GRIP1: variants seen among roughly 807,000 people sequenced by gnomAD.
The protein encoded by GRIP1 is glutamate receptor interacting protein 1.
GRIP1 carries 45 observed loss-of-function variants against 129.9 expected under a neutral mutation model. The observed-to-expected ratio is 0.35, with a 90% confidence interval of 0.27 to 0.44. The LOEUF (loss-of-function observed/expected upper bound fraction) is 0.44, where lower values mean the gene tolerates loss of function less well. Ranked by LOEUF, GRIP1 falls within the 20% of genes least tolerant of loss-of-function variation. GRIP1 has a pLI of 1.00. For missense variants in GRIP1, 1,196 were observed against 1,396.8 expected (o/e 0.86, Z 2.29); for synonymous variants, 530 against 520.8 (o/e 1.02, Z -0.24).
At chr12:66,369,352 T>TTC in intron 23 of GRIP1, among the ~76,000 whole-genome samples, 2 of 107,984 alleles carry the variant, frequency 1.9e-5, no homozygotes, top group South Asian at 2.9e-4. Flanking sequence ...TTTTTTTTTT[T>TTC]TTTTTTTTTT....
rs541739035 is a variant in GRIP1 at position 66,991,069 on chromosome 12, G to A, written c.58+77981C>T. 2.8e-4 allele frequency among the ~76,000 whole-genome samples: 43 copies of A among 151,510 alleles called. No homozygotes were observed. The South Asian group carries it at 3.5e-3, about 12-fold the overall frequency. The stretch of plus-strand genomic sequence containing the variant: ...CAGGCGGATCACGAGGTCAGGAGAC[G>A]AGACCATCCTGGCTAACAGGGTGAA... On this transcript the variant is annotated intron_variant, in intron 1 of 1. Transcript: ENST00000643019.
At chr12:66,654,444 T>G (rs116992524) in intron 1 of GRIP1, among the ~76,000 whole-genome samples, 10 of 152,276 alleles carry the variant, frequency 6.6e-5, no homozygotes, top group Non-Finnish European at 1.3e-4. Context: ...TGAAACACCA[T>G]ACGCAAAATC....
chr12:66,512,875 A>C (rs1592459842), intron 7 of GRIP1, among the ~76,000 whole-genome samples: 1 of 152,136 alleles, frequency 6.6e-6, no homozygotes, highest in South Asian at 2.1e-4. Flanking sequence ...TCTGGAAGAC[A>C]ATTGGAATTA....
Position 66,348,897 on chromosome 12 carries a change from C to A in GRIP1, c.*122G>T. On this transcript the variant is annotated 3_prime_UTR_variant, in exon 25 of 25. Transcript: ENST00000359742. ...GAGCCATGAGAGAGATTTAAAAGAC[C>A]CCTGTGCTTGCAGTTAATGCCACGT... 1 of 794,264 alleles carries A rather than the reference C, an allele frequency of 1.3e-6. No homozygotes were observed. Among genetic ancestry groups the A allele is most frequent in the Non-Finnish European group, 2.3e-6 (1 of 437,482 alleles). 49.2% of individuals were successfully genotyped at this position (794,264 alleles called of 1,614,324 possible).
chr12:66,907,572 T>C (rs1473098634), intron 1 of GRIP1, among the ~76,000 whole-genome samples: 2 of 151,110 alleles, frequency 1.3e-5, no homozygotes, highest in African/African-American at 4.9e-5. Context: ...CAGGGGTTAG[T>C]GTCAGGTAAA....
At chr12:66,999,861 C>T (rs904318746) in intron 1 of GRIP1, among the ~76,000 whole-genome samples, 6 of 152,164 alleles carry the variant, frequency 3.9e-5, no homozygotes, top group South Asian at 2.1e-4. Context: ...ACACCTGCTA[C>T]ACTGAACACT....
intron 1 of GRIP1, among the ~76,000 whole-genome samples, chr12:66,646,938 A>G (rs578048241): frequency 6.6e-6 from 1 of 152,320 alleles, no homozygotes; most frequent in East Asian, 1.9e-4. Context: ...CCTTACATCA[A>G]TCACTTACTC....
chr12:66,717,793 T>C (rs2035939680), intron 1 of GRIP1, among the ~76,000 whole-genome samples: 1 of 152,136 alleles, frequency 6.6e-6, no homozygotes, highest in African/African-American at 2.4e-5. Flanking sequence ...AAATTAGTGA[T>C]GTTTAAAAAA....
intron 7 of GRIP1, among the ~76,000 whole-genome samples, chr12:66,504,960 C>T (rs977174898): frequency 2.0e-5 from 3 of 152,142 alleles, no homozygotes; most frequent in Non-Finnish European, 4.4e-5. Context: ...CTTTTCTAGT[C>T]GGTTCCTGTC....
At chr12:66,412,775 T>G (rs537625227) in intron 15 of GRIP1, among the ~76,000 whole-genome samples, 97 of 152,124 alleles carry the variant, frequency 6.4e-4, no homozygotes, top group Admixed American at 2.7e-3. Flanking sequence ...AGGCTCAAAA[T>G]AAAGTGATGG....
intron 7 of GRIP1, among the ~76,000 whole-genome samples, chr12:66,475,728 A>C (rs903955643): frequency 6.6e-6 from 1 of 152,216 alleles, no homozygotes; most frequent in Non-Finnish European, 1.5e-5. Flanking sequence ...CTGAATGACT[A>C]CTGGGTACAT....
At chr12:66,577,609 G>A (rs1357837916) in intron 2 of GRIP1, among the ~76,000 whole-genome samples, 2 of 152,160 alleles carry the variant, frequency 1.3e-5, no homozygotes, top group East Asian at 3.8e-4. Flanking sequence ...GTTGCACTCT[G>A]CTATGAACAC....
At chr12:66,837,557 G>C (rs1039418874) in intron 1 of GRIP1, among the ~76,000 whole-genome samples, 1 of 152,032 alleles carries the variant, frequency 6.6e-6, no homozygotes, top group African/African-American at 2.4e-5. Flanking sequence ...GTTGGCAAGG[G>C]AAAAATAATG....
intron 1 of GRIP1, among the ~76,000 whole-genome samples, chr12:66,691,682 T>G (rs2034987486): frequency 6.6e-6 from 1 of 152,208 alleles, no homozygotes; most frequent in Non-Finnish European, 1.5e-5. Flanking sequence ...ATTCTAAAGC[T>G]ACCTTTCTTT....
At chr12:66,938,529 C>G (rs1294219160) in intron 1 of GRIP1, among the ~76,000 whole-genome samples, 1 of 152,096 alleles carries the variant, frequency 6.6e-6, no homozygotes, top group African/African-American at 2.4e-5. Flanking sequence ...CTGTTGGCAG[C>G]ACTAATCTAG....
chr12:66,785,343 C>CACATATATATATATATAT (rs1555237393), intron 1 of GRIP1, among the ~76,000 whole-genome samples: 3 of 72,780 alleles, frequency 4.1e-5, no homozygotes, highest in Non-Finnish European at 8.3e-5. Flanking sequence ...TACATACATA[C>CACATATATATATATATAT]ATATATATAT....
intron 1 of GRIP1, among the ~76,000 whole-genome samples, chr12:66,706,978 T>C (rs377680046): frequency 4.6e-5 from 2 of 43,432 alleles, no homozygotes; most frequent in Non-Finnish European, 1.0e-4. Context: ...CATGTATCCC[T>C]TTTTTTTTTT....
At chr12:66,724,065 T>C (rs1235987715) in intron 1 of GRIP1, among the ~76,000 whole-genome samples, 1 of 152,204 alleles carries the variant, frequency 6.6e-6, no homozygotes, top group Non-Finnish European at 1.5e-5. Flanking sequence ...GTTGAATTAG[T>C]ACCCAATTAC....
At chr12:66,802,859 C>G (rs906473159) in intron 1 of GRIP1, among the ~76,000 whole-genome samples, 2 of 152,154 alleles carry the variant, frequency 1.3e-5, no homozygotes, top group Non-Finnish European at 2.9e-5. Context: ...GAGTGTCACT[C>G]TATCAGAACA....
Sources: allele counts gnomAD v4.1 joint callset (sites outside exome capture counted in the v4.1 genomes callset), GRCh38; gene constraint gnomAD v4.1.1; transcripts MANE v1.5; gene names NCBI Gene and HGNC (gene_info 2026-07-23, HGNC 2026-07-21).